TNFSF8: variants seen among roughly 807,000 people sequenced by gnomAD.
TNFSF8 encodes tumor necrosis factor ligand superfamily member 8.
In TNFSF8, 4 loss-of-function variants were observed where a neutral mutation model predicts 22.0. The ratio of observed to expected loss-of-function variants is 0.18; its 90% CI spans 0.09 to 0.42. TNFSF8 has a LOEUF of 0.42. Ranked by LOEUF, TNFSF8 falls within the 10% of genes least tolerant of loss-of-function variation. The probability of loss-of-function intolerance (pLI) is 1.00; values close to 1 mark genes in which losing one functional copy is unlikely to be tolerated. For missense variants in TNFSF8, 233 were observed against 281.8 expected (o/e 0.83, Z 1.24); for synonymous variants, 106 against 112.5 (o/e 0.94, Z 0.37).
chr9:114,894,333 A>G (rs1338277690), intron 4 of TNFSF8, among the ~76,000 whole-genome samples: 1 of 137,460 alleles, frequency 7.3e-6, no homozygotes, highest in Non-Finnish European at 1.5e-5. Context: ...ATCAAGGTCC[A>G]GGTTGCATGT....
chr9:114,903,783 C>A lies in TNFSF8; in HGVS notation c.*148G>T, dbSNP rs901117851. The A allele has an allele frequency of 2.1e-6, 3 of 1,414,846 alleles. No homozygotes were observed. The African/African-American group carries it at 4.4e-5, about 21-fold the overall frequency. 87.6% of individuals were successfully genotyped at this position (1,414,846 alleles called of 1,614,324 possible). ...TCTCTTTTTAACCCTGGAGCTGTAT[C>A]TTTCCAAGAGACAGAAGGAGAAGTA... is the stretch of plus-strand genomic sequence containing the variant. On this transcript the variant is annotated 3_prime_UTR_variant, in exon 4 of 4. Transcript: ENST00000223795.
intron 2 of TNFSF8, 39 bp from the exon 3 acceptor site, chr9:114,905,938 C>T (rs377707143): frequency 6.2e-5 from 89 of 1,429,038 alleles, no homozygotes; most frequent in Middle Eastern, 1.8e-4. Context: ...TGTCTTTTGC[C>T]GTTTTGGGAT....
intron 2 of TNFSF8, among the ~76,000 whole-genome samples, chr9:114,917,013 T>C (rs1344467746): frequency 1.3e-5 from 2 of 152,222 alleles, no homozygotes; most frequent in Non-Finnish European, 2.9e-5. Context: ...CCTTGAAAGA[T>C]CCAGAATCCC....
intron 1 of TNFSF8, among the ~76,000 whole-genome samples, chr9:114,924,968 G>A (rs1391129073): frequency 6.6e-6 from 1 of 152,186 alleles, no homozygotes; most frequent in African/African-American, 2.4e-5. Flanking sequence ...CAGGTGGAGG[G>A]AGTACCTTGG....
At chr9:114,925,398 T>G (rs1444400354) in intron 1 of TNFSF8, among the ~76,000 whole-genome samples, 1 of 152,206 alleles carries the variant, frequency 6.6e-6, no homozygotes, top group Non-Finnish European at 1.5e-5. Flanking sequence ...TTCCACGGGA[T>G]GGGCTGGGGG....
chr9:114,910,635 G>A (rs1281268457), intron 2 of TNFSF8, among the ~76,000 whole-genome samples: 2 of 152,148 alleles, frequency 1.3e-5, no homozygotes, highest in African/African-American at 2.4e-5. Flanking sequence ...TGAGCTCCTG[G>A]GTTCCATCTT....
At chr9:114,926,965 ATAT>A (rs913817985) in intron 1 of TNFSF8, among the ~76,000 whole-genome samples, 20 of 141,204 alleles carry the variant, frequency 1.4e-4, no homozygotes, top group African/African-American at 3.8e-4. Flanking sequence ...ATAACATAAA[ATAT>A]TATTTTATAA....
intron 2 of TNFSF8, among the ~76,000 whole-genome samples, chr9:114,910,261 T>C (rs1181960397): frequency 1.3e-5 from 2 of 152,124 alleles, no homozygotes; most frequent in East Asian, 1.9e-4. Flanking sequence ...CTCGAGGTGG[T>C]GAAAGGAGCA....
chr9:114,925,239 G>T lies in TNFSF8; in HGVS notation c.195+4870C>A, dbSNP rs564255888. Among the ~76,000 whole-genome samples, 3 of 152,334 alleles carry T rather than the reference G, an allele frequency of 2.0e-5. No individual in the cohort carries two copies. The South Asian group carries it at 6.2e-4, about 32-fold the overall frequency. Reference sequence around the variant, plus strand: ...TATTCACCTTATATACCGTCCAGTGGTGGTGGGTTGGGCAGGAAAACCACA... The same window carrying T: ...TATTCACCTTATATACCGTCCAGTGTTGGTGGGTTGGGCAGGAAAACCACA... On this transcript the variant is annotated intron_variant, in intron 1 of 3. Coordinates refer to ENST00000223795, the MANE Select transcript of TNFSF8 (RefSeq NM_001244.4).
At chr9:114,897,033 G>A (rs1827662381), downstream of TNFSF8, among the ~76,000 whole-genome samples, 1 of 152,098 alleles carries the variant, frequency 6.6e-6, no homozygotes, top group African/African-American at 2.4e-5. Context: ...CTCCCGAGTA[G>A]CTGGGATTAC....
Position 114,903,681 on chromosome 9 carries a change from C to T in TNFSF8, c.*250G>A. ...GGGCTGGGACATCCATTCATCCCTT[C>T]TGATTCTGTGTGGGGCTCTGCCCAC... On this transcript the variant is annotated 3_prime_UTR_variant, in exon 4 of 4. Coordinates refer to ENST00000223795, the MANE Select transcript of TNFSF8 (RefSeq NM_001244.4). The T allele has an allele frequency of 8.4e-7, 1 of 1,190,438 alleles. No individual in the cohort carries two copies. 73.7% of individuals were successfully genotyped at this position (1,190,438 alleles called of 1,614,324 possible).
rs551884291 is a variant in TNFSF8, at chr9:114,923,261, T to A, written c.196-5123A>T. ...CTCACCTGGAATATCCTGCTCCTCC[T>A]CCTCCTGCCACCATCTTTCCAATGG... On this transcript the variant is annotated intron_variant, in intron 1 of 3. Transcript: ENST00000223795. 5.9e-5 allele frequency among the ~76,000 whole-genome samples: 9 copies of A among 152,146 alleles called. No individual in the cohort carries two copies. The South Asian group carries it at 1.9e-3, about 32-fold the overall frequency.
At chr9:114,927,864 G>C (rs1341820212) in intron 1 of TNFSF8, among the ~76,000 whole-genome samples, 1 of 152,008 alleles carries the variant, frequency 6.6e-6, no homozygotes, top group African/African-American at 2.4e-5. Flanking sequence ...GTTTCTTTTA[G>C]AGTCTCTTCA....
chr9:114,924,529 T>A (rs1030009780), intron 1 of TNFSF8, among the ~76,000 whole-genome samples: 8 of 152,168 alleles, frequency 5.3e-5, no homozygotes, highest in Admixed American at 4.6e-4. Context: ...GCCTCCAGCT[T>A]ACTTTCATAT....
chr9:114,929,643 C>T (rs902617192), intron 1 of TNFSF8, among the ~76,000 whole-genome samples: 15 of 152,010 alleles, frequency 9.9e-5, no homozygotes, highest in African/African-American at 3.6e-4. Flanking sequence ...TCCTTGAAGA[C>T]ATGATAACAA....
At position 114,902,613 on chromosome 9, in the gene TNFSF8, C is replaced by A; in HGVS notation, c.*1318G>T. On this transcript the variant is annotated 3_prime_UTR_variant, in exon 4 of 4. Transcript: ENST00000223795. ...TCAGCAGGGCACCCTGAACCTTGTC[C>A]CCATATTCTGGCTCTGCTGAGATGA... 1 of 985,338 alleles carries A rather than the reference C, an allele frequency of 1.0e-6. No homozygotes were observed. Among genetic ancestry groups the A allele is most frequent in the Non-Finnish European group, 1.2e-6 (1 of 829,922 alleles). 61.0% of individuals were successfully genotyped at this position (985,338 alleles called of 1,614,324 possible).
At chr9:114,924,067 T>C (rs1183199360) in intron 1 of TNFSF8, among the ~76,000 whole-genome samples, 1 of 152,196 alleles carries the variant, frequency 6.6e-6, no homozygotes, top group Admixed American at 6.5e-5. Context: ...ACAACAGAAT[T>C]GGCCTGGACC....
At chr9:114,905,931 CTT>C in intron 2 of TNFSF8, 32 bp from the exon 3 acceptor site, 1 of 1,516,126 alleles carries the variant, frequency 6.6e-7, no homozygotes, top group South Asian at 1.1e-5. Flanking sequence ...ATTAAAATGT[CTT>C]TTGCCGTTTT....
intron 3 of TNFSF8, 112 bp downstream of exon 3, chr9:114,905,716 T>G: frequency 1.2e-6 from 1 of 826,686 alleles, no homozygotes; most frequent in South Asian, 1.4e-5. Flanking sequence ...AGTACACATC[T>G]GCAGGTCACA....
Sources: allele counts gnomAD v4.1 joint callset (sites outside exome capture counted in the v4.1 genomes callset), GRCh38; gene constraint gnomAD v4.1.1; transcripts MANE v1.5; gene names NCBI Gene and HGNC (gene_info 2026-07-23, HGNC 2026-07-21).